The following PRB2 variants were observed in gnomAD, a reference collection of about 807,000 sequenced individuals.
PRB2 encodes the protein proline rich protein BstNI subfamily 2.
PRB2 carries 12 observed loss-of-function variants against 8.3 expected under a neutral mutation model. The observed-to-expected ratio is 1.45, with a 90% CI of 0.93 to 2.35. The LOEUF (loss-of-function observed/expected upper bound fraction) is 2.35. PRB2 is among the 30% of genes most tolerant of loss of function. The pLI is 0.00. For missense variants in PRB2, 470 were observed against 507.0 expected, an observed-to-expected ratio of 0.93 and a Z score of 0.70; for synonymous variants, 146 against 180.0, an observed-to-expected ratio of 0.81 and a Z score of 1.51.
At position 11,392,838 on chromosome 12, in the gene PRB2, G is replaced by T. The variant is rs1242865041; in HGVS notation, c.1240C>A (p.Pro414Thr). Residue 414 changes from proline (P) to threonine (T), a missense_variant, in exon 3 of 4, where the codon CCT becomes ACT. Coordinates refer to ENST00000389362, the MANE Select transcript of PRB2 (RefSeq NM_006248.4). ...RPPQGGRPSR[P>T]PQ ...GACTGGGGAGGCTGTCACTGGGGAGGTCTGGAAGGTCTGCCCCCTTGAGGA... is the reference window on the plus strand; with the variant it reads ...GACTGGGGAGGCTGTCACTGGGGAGTTCTGGAAGGTCTGCCCCCTTGAGGA... 5 of 1,535,758 alleles carry T rather than the reference G, an allele frequency of 3.3e-6. No individual in the cohort carries two copies. In the East Asian group the frequency reaches 7.0e-5, roughly 21 times the overall value.
At chr12:11,395,066 T>C (rs1029015591) in intron 1 of PRB2, among the ~76,000 whole-genome samples, 1 of 152,156 alleles carries the variant, frequency 6.6e-6, no homozygotes, top group Non-Finnish European at 1.5e-5. Flanking sequence ...GTATCTCTGA[T>C]ACTGTGTGTG....
Position 11,393,365 on chromosome 12 carries a change from G to C in PRB2, c.713C>G (p.Pro238Arg), listed in dbSNP as rs551987010. The C allele has an allele frequency of 6.3e-7, 1 of 1,594,332 alleles. No homozygotes were observed. The highest frequency in any genetic ancestry group is 1.1e-5 in the South Asian group (1 of 90,006). ...GDNKSQSARSPPGKPQGPPPQ... is the reference protein window; with the variant it reads ...GDNKSQSARSRPGKPQGPPPQ... Reference sequence around the variant, plus strand: ...GGGTGGTCCTTGTGGCTTTCCTGGAGGAGATCGGGCACTTTGGGACTTGTT... The same window carrying C: ...GGGTGGTCCTTGTGGCTTTCCTGGACGAGATCGGGCACTTTGGGACTTGTT... The change falls in exon 3 of 4, where the codon CCT (proline) becomes CGT (arginine). Residue 238 changes from proline to arginine, a missense_variant. This residue lies in a region of PRB2 where 205 missense variants were observed against 195.0 expected (regional missense o/e 1.05). Coordinates refer to ENST00000389362, the MANE Select transcript of PRB2 (RefSeq NM_006248.4).
rs1032972142 is a variant in PRB2 at position 11,391,649 on chromosome 12, C to T, written c.*34-1G>A. The T allele has an allele frequency of 4.6e-6, 2 of 433,880 alleles. No homozygotes were observed. The highest frequency in any genetic ancestry group is 1.4e-4 in the East Asian group (2 of 13,994). The allele number at this position is 433,880 out of a possible 1,614,324, so 26.9% of individuals were successfully genotyped here. A position where few individuals can be genotyped will look rare whatever the true frequency, so the allele number is the denominator to read the frequency against. ...TCACTCTCATCTTCTTATTCACTTC[C>T]TGAAACAAACAAACAAGGAAGTTCA... On this transcript the variant is annotated splice_acceptor_variant, in intron 3 of 3. Transcript: ENST00000389362. LOFTEE classifies it low-confidence loss of function (3UTR_SPLICE).
rs552467166 is a variant in PRB2, at chr12:11,392,672, T to C, written c.*33+122A>G. On this transcript the variant is annotated intron_variant, in intron 3 of 3. Transcript: ENST00000389362. ...CATTTCCAGAATATGTCAATACAAA[T>C]CTTTAGAAATGGGATCTGGGACTAT... 3 of 499,078 alleles carry C rather than the reference T, an allele frequency of 6.0e-6. No homozygotes were observed. In the African/African-American group the frequency reaches 1.4e-4, roughly 24 times the overall value. The allele number at this position is 499,078 out of a possible 1,614,324, so 30.9% of individuals were successfully genotyped here. A position where few individuals can be genotyped will look rare whatever the true frequency, so the allele number is the denominator to read the frequency against.
At chr12:11,394,417 A>C in intron 2 of PRB2, 78 bp downstream of exon 2, 3 of 1,518,174 alleles carry the variant, frequency 2.0e-6, no homozygotes, top group Non-Finnish European at 2.7e-6. Context: ...AAGTTTTGAT[A>C]AGAAGACACT....
intron 2 of PRB2, among the ~76,000 whole-genome samples, 199 bp downstream of exon 2, chr12:11,394,296 A>G (rs1332657536): frequency 6.6e-6 from 1 of 152,152 alleles, no homozygotes. Flanking sequence ...CATCTAAGCC[A>G]AGCATCTCTG....
intron 2 of PRB2, 50 bp from the exon 3 acceptor site, chr12:11,394,027 T>C: frequency 6.2e-7 from 1 of 1,610,008 alleles, no homozygotes. Context: ...CCATACAAGA[T>C]TCCCTGAATA....
Position 11,393,308 on chromosome 12 carries a change from G to A in PRB2, c.770C>T (p.Pro257Leu). ...PQGGNQPQGPPPPPGKPQGPP... is the reference protein window; with the variant it reads ...PQGGNQPQGPLPPPGKPQGPP... ...TCCTTGTGGCTTTCCTGGAGGAGGT[G>A]GGGGACCTTGGGGCTGGTTGCCTCC... The change falls in exon 3 of 4, where the codon CCA becomes CTA. Residue 257 changes from proline to leucine, a missense_variant. Pro to Leu is a moderately conservative substitution (Grantham distance 98). Transcript: ENST00000389362. 6.7e-7 allele frequency: 1 copy of A among 1,503,138 alleles called. No individual in the cohort carries two copies. Among genetic ancestry groups the A allele is most frequent in the Non-Finnish European group, 8.8e-7 (1 of 1,130,444 alleles). 93.1% of individuals were successfully genotyped at this position (1,503,138 alleles called of 1,614,324 possible). A position where few individuals can be genotyped will look rare whatever the true frequency, so the allele number is the denominator to read the frequency against.
rs1238238576 is a variant in PRB2 at position 11,393,435 on chromosome 12, G to C, written c.643C>G (p.Pro215Ala). The stretch of plus-strand genomic sequence containing the variant: ...CCTTGTGGCTTTCCTGGAGGTGGGG[G>C]ACCTTGAGGTTTGTTGCCTCCTTGT... The part of the protein sequence containing the change: ...PPQGGNKPQG[P>A]PPPGKPQGPP... Residue 215 changes from proline to alanine, a missense_variant, in exon 3 of 4, where the codon CCC (proline) becomes GCC (alanine). By Grantham distance (27) the Pro-to-Ala change is conservative. Around this residue, in one of 4 missense-constraint regions of PRB2, gnomAD observed 37 missense variants for 66.0 expected, o/e 0.56. Coordinates refer to ENST00000389362, the MANE Select transcript of PRB2 (RefSeq NM_006248.4). The C allele has an allele frequency of 6.7e-7, 1 of 1,502,306 alleles. No individual in the cohort carries two copies. The highest frequency in any genetic ancestry group is 8.8e-7 in the Non-Finnish European group (1 of 1,136,416). The allele number at this position is 1,502,306 out of a possible 1,614,324, so 93.1% of individuals were successfully genotyped here.
At position 11,393,889 on chromosome 12, in the gene PRB2, T is replaced by G. The variant is rs532765886; in HGVS notation, c.189A>C (p.Gln63His). 113 of 1,486,228 alleles carry G rather than the reference T, an allele frequency of 7.6e-5. 1 individual carries two copies. In the Admixed American group the frequency reaches 1.0e-3, roughly 13 times the overall value. The allele number at this position is 1,486,228 out of a possible 1,614,324, so 92.1% of individuals were successfully genotyped here. A position where few individuals can be genotyped will look rare whatever the true frequency, so the allele number is the denominator to read the frequency against. ...PPGKPQGPPP[Q>H]GGNQPQGPPP... The stretch of plus-strand genomic sequence containing the variant: ...GGGGACCTTGAGGCTGGTTGCCTCC[T>G]TGTGGGGGTGGTCCTTGTGGCTTTC... The change falls in exon 3 of 4, where the codon CAA becomes CAC. Residue 63 changes from glutamine to histidine, a missense_variant. Gln to His is a conservative substitution (Grantham distance 24). Around this residue, in one of 4 missense-constraint regions of PRB2, gnomAD observed 211 missense variants for 207.7 expected, o/e 1.02. Coordinates refer to ENST00000389362, the MANE Select transcript of PRB2 (RefSeq NM_006248.4).
chr12:11,393,273 G>C lies in PRB2; in HGVS notation c.805C>G (p.Gln269Glu), dbSNP rs779312029. Residue 269 changes from glutamine to glutamate, a missense_variant, in exon 3 of 4, where the codon CAA becomes GAA. Transcript: ENST00000389362. ...PPGKPQGPPP[Q>E]GGNKPQGPPP... ...GGACCTTGAGGTTTGTTGCCTCCTT[G>C]TGGGGGTGGTCCTTGTGGCTTTCCT... 2 of 1,209,124 alleles carry C rather than the reference G, an allele frequency of 1.7e-6. No homozygotes were observed. Among genetic ancestry groups the C allele is most frequent in the Non-Finnish European group, 2.2e-6 (2 of 902,746 alleles). 74.9% of individuals were successfully genotyped at this position (1,209,124 alleles called of 1,614,324 possible).
intron 2 of PRB2, among the ~76,000 whole-genome samples, chr12:11,394,240 A>T (rs1864371661): frequency 6.6e-6 from 1 of 152,176 alleles, no homozygotes; most frequent in South Asian, 2.1e-4. Flanking sequence ...GTCATCTCCC[A>T]GCAGGCACTC....
At chr12:11,394,084 A>G (rs1175234435) in intron 2 of PRB2, 107 bp from the exon 3 acceptor site, 2 of 1,440,884 alleles carry the variant, frequency 1.4e-6, no homozygotes, top group African/African-American at 2.8e-5. Context: ...GAGTGGGGAA[A>G]CACACAAAAA....
rs761305749 is a variant in PRB2 at position 11,393,074 on chromosome 12, T to G, written c.1004A>C (p.Lys335Thr). 1 of 1,519,340 alleles carries G rather than the reference T, an allele frequency of 6.6e-7. No homozygotes were observed. The highest frequency in any genetic ancestry group is 8.8e-7 in the Non-Finnish European group (1 of 1,133,436). 94.1% of individuals were successfully genotyped at this position (1,519,340 alleles called of 1,614,324 possible). Residue 335 changes from lysine to threonine, a missense_variant, in exon 3 of 4, where the codon AAA (lysine) becomes ACA (threonine). Transcript: ENST00000389362. ...TCCTGGAGGTGGGGGACCTTGAGGTTTGTTGCCTCCTTGTGGGGGTGGTCC... is the reference window on the plus strand; with the variant it reads ...TCCTGGAGGTGGGGGACCTTGAGGTGTGTTGCCTCCTTGTGGGGGTGGTCC... ...PQGPPPQGGN[K>T]PQGPPPPGKP... is the part of the protein sequence containing the mutation.
intron 1 of PRB2, among the ~76,000 whole-genome samples, chr12:11,395,138 T>C (rs1704024056): frequency 6.6e-6 from 1 of 152,058 alleles, no homozygotes; most frequent in African/African-American, 2.4e-5. Context: ...CCTGTGTACT[T>C]ACTGAGATCA....
intron 1 of PRB2, among the ~76,000 whole-genome samples, chr12:11,394,904 A>G (rs1337898123): frequency 2.6e-5 from 4 of 152,192 alleles, no homozygotes; most frequent in African/African-American, 7.2e-5. Flanking sequence ...GGTAACCAGA[A>G]GTAATCATTT....
At chr12:11,395,307 T>C (rs2416787) in intron 1 of PRB2, among the ~76,000 whole-genome samples, 159 bp downstream of exon 1, 5 of 152,110 alleles carry the variant, frequency 3.3e-5, no homozygotes, top group Non-Finnish European at 7.3e-5. Context: ...AATTAGAAAC[T>C]CTTATTGTGG....
intron 3 of PRB2, 99 bp from the exon 4 acceptor site, chr12:11,391,747 C>A (rs1864329322): frequency 3.6e-6 from 1 of 280,420 alleles, no homozygotes; most frequent in Non-Finnish European, 7.0e-6. Context: ...CATGAGAGCC[C>A]ATCCTCTCTC....
chr12:11,394,376 G>A, intron 2 of PRB2, 119 bp downstream of exon 2: 1 of 1,251,706 alleles, frequency 8.0e-7, no homozygotes, highest in Non-Finnish European at 1.2e-6. Context: ...ATATTATTAG[G>A]AGCACTAACA....
Sources: allele counts gnomAD v4.1 joint callset (sites outside exome capture counted in the v4.1 genomes callset), GRCh38; gene constraint gnomAD v4.1.1; regional missense constraint gnomAD v4.1.1; transcripts MANE v1.5; gene names NCBI Gene and HGNC (gene_info 2026-07-23, HGNC 2026-07-21).